The following TTC39A variants were observed in gnomAD, a reference collection of about 807,000 sequenced individuals.
The protein encoded by TTC39A is tetratricopeptide repeat domain 39A.
In TTC39A, 46 loss-of-function variants were observed where a neutral mutation model predicts 82.3. The observed-to-expected ratio is 0.56, with a 90% CI of 0.44 to 0.71. The LOEUF (loss-of-function observed/expected upper bound fraction) is 0.71. TTC39A is among the 30% of genes least tolerant of loss of function. TTC39A has a pLI of 0.00. For missense variants in TTC39A, 543 were observed against 712.9 expected (o/e 0.76, Z 2.71); for synonymous variants, 254 against 275.2 (o/e 0.92, Z 0.76).
At chr1:51,343,486 G>A (rs1215671992) in intron 1 of TTC39A, among the ~76,000 whole-genome samples, 2 of 152,188 alleles carry the variant, frequency 1.3e-5, no homozygotes, top group African/African-American at 4.8e-5. Context: ...AGGGTTTGAT[G>A]TGAGCTATCC....
At chr1:51,312,089 A>G (rs1454441556) in intron 4 of TTC39A, 30 bp downstream of exon 4, 2 of 1,601,870 alleles carry the variant, frequency 1.2e-6, no homozygotes, top group Non-Finnish European at 8.5e-7. Flanking sequence ...TGGGCTTAGC[A>G]TGGTTGAAAG....
chr1:51,319,001 G>A (rs1045832470), intron 2 of TTC39A, among the ~76,000 whole-genome samples: 1 of 152,190 alleles, frequency 6.6e-6, no homozygotes, highest in African/African-American at 2.4e-5. Context: ...CCAGGAACAT[G>A]GAGAAAGCCT....
intron 1 of TTC39A, among the ~76,000 whole-genome samples, chr1:51,326,199 A>C (rs1645708094): frequency 6.6e-6 from 1 of 152,178 alleles, no homozygotes; most frequent in African/African-American, 2.4e-5. Flanking sequence ...TGGGGGCCAA[A>C]GGGGCCCAGA....
chr1:51,313,053 C>T, intron 2 of TTC39A, 110 bp from the exon 3 acceptor site: 1 of 1,454,706 alleles, frequency 6.9e-7, no homozygotes, highest in Non-Finnish European at 9.3e-7. Flanking sequence ...GTGAGGGGAC[C>T]AGAGGTCCAG....
chr1:51,344,919 G>T (rs899918244), intron 1 of TTC39A: 2 of 1,503,850 alleles, frequency 1.3e-6, no homozygotes. Flanking sequence ...TTTCCCCGAC[G>T]TCGGCTGGGT....
At chr1:51,345,061 GGA>G in exon 1 of TTC39A, 1 of 1,387,540 alleles carries the variant, frequency 7.2e-7, no homozygotes, top group South Asian at 1.7e-5. Context: ...GGCCGGGCTC[GGA>G]CGGGGCCGCG....
chr1:51,287,279 AAAATGCTGTCAGTAAGC>A lies in TTC39A; in HGVS notation c.*861_*877del, dbSNP rs1458449765. 1.3e-5 allele frequency: 2 copies of A among 152,256 alleles called. No homozygotes were observed. Among genetic ancestry groups the A allele is most frequent in the African/African-American group, 4.8e-5 (2 of 41,466 alleles). 9.4% of individuals were successfully genotyped at this position (152,256 alleles called of 1,614,324 possible). The stretch of plus-strand genomic sequence containing the variant: ...CAGGTCAAGAATAACAGTTTTAACA[AAAATGCTGTCAGTAAGC>A]AAATGTACCTTGGAGTGAAGTACAG... On this transcript the variant is annotated 3_prime_UTR_variant, in exon 18 of 18. Transcript: ENST00000680483.
chr1:51,292,820 G>A (rs1300562329), intron 14 of TTC39A, among the ~76,000 whole-genome samples: 1 of 152,064 alleles, frequency 6.6e-6, no homozygotes, highest in African/African-American at 2.4e-5. Context: ...ATAAGTTAGA[G>A]AAAAAACATA....
At chr1:51,291,602 G>A (rs1348797904) in intron 14 of TTC39A, among the ~76,000 whole-genome samples, 1 of 134,666 alleles carries the variant, frequency 7.4e-6, no homozygotes, top group African/African-American at 2.8e-5. Context: ...ACCAGCCTGG[G>A]CAACATGGCG....
At chr1:51,306,861 C>A (rs888016624) in intron 6 of TTC39A, among the ~76,000 whole-genome samples, 3 of 109,912 alleles carry the variant, frequency 2.7e-5, no homozygotes, top group South Asian at 4.2e-4. Flanking sequence ...AGACCCCCCC[C>A]CCCCGCCCCC....
chr1:51,312,191 G>T lies in TTC39A; in HGVS notation c.283C>A (p.Arg95=). 2 of 1,605,786 alleles carry T rather than the reference G, an allele frequency of 1.2e-6. No individual in the cohort carries two copies. Among genetic ancestry groups the T allele is most frequent in the Non-Finnish European group, 1.7e-6 (2 of 1,176,258 alleles). The change falls in exon 4 of 18, where the codon CGG becomes AGG. Residue 95 remains arginine, a synonymous_variant. Coordinates refer to ENST00000680483, the MANE Select transcript of TTC39A (RefSeq NM_001297663.2). ...KEAQMLCQRH[R]RKSSVTDSFS... is the part of the protein sequence containing the mutation. The stretch of plus-strand genomic sequence containing the variant: ...GAATCTGTTACAGAAGACTTCCTCC[G>T]GTGCCTGAAGAGGAAAAAGAGGGGC...
Position 51,302,508 on chromosome 1 carries a change from T to C in TTC39A, c.829A>G (p.Lys277Glu). The C allele has an allele frequency of 1.2e-6, 2 of 1,609,722 alleles. No homozygotes were observed. The highest frequency in any genetic ancestry group is 2.2e-5 in the South Asian group (2 of 89,994). Residue 277 changes from lysine (K) to glutamate (E), a missense_variant and splice_region_variant, in exon 10 of 18, where the codon AAG (lysine) becomes GAG (glutamate). Physicochemically the swap from Lys to Glu is moderately conservative, Grantham distance 56 (BLOSUM62 1). Coordinates refer to ENST00000680483, the MANE Select transcript of TTC39A (RefSeq NM_001297663.2). ...ACCGGGCAGCACATGGGGCTCACCT[T>C]AGGGTACCGGTTCAGGTAGGGCTTC... Reference protein sequence around the residue: ...LLKPYLNRYPKGAIFLFFAGR... With the variant: ...LLKPYLNRYPEGAIFLFFAGR...
chr1:51,303,298 T>A, intron 8 of TTC39A, 106 bp from the exon 9 acceptor site: 1 of 966,402 alleles, frequency 1.0e-6, no homozygotes, highest in Non-Finnish European at 1.5e-6. Context: ...GGAAGAGCAC[T>A]GGAACCCTGG....
chr1:51,344,858 C>T (rs1201274416), intron 1 of TTC39A: 2 of 1,158,500 alleles, frequency 1.7e-6, no homozygotes, highest in Non-Finnish European at 1.2e-6. Context: ...CTCCGGCCGA[C>T]CCCCACGCCC....
At chr1:51,334,929 G>GC (rs1645956203), upstream of TTC39A, 1 of 152,322 alleles carries the variant, frequency 6.6e-6, no homozygotes, top group Non-Finnish European at 1.5e-5. Flanking sequence ...AGGAGCTCTG[G>GC]CCCAGCCCCA....
chr1:51,312,046 A>G, intron 4 of TTC39A, 73 bp downstream of exon 4: 1 of 1,497,142 alleles, frequency 6.7e-7, no homozygotes. Flanking sequence ...CAGGGAAGAA[A>G]ACTGCCCCTT....
intron 11 of TTC39A, chr1:51,302,057 G>C: frequency 1.4e-6 from 1 of 712,992 alleles, no homozygotes; most frequent in South Asian, 1.5e-5. Flanking sequence ...CTAAACAGAT[G>C]GGCTTTCCTA....
At chr1:51,308,742 T>C (rs1001339145) in intron 6 of TTC39A, among the ~76,000 whole-genome samples, 7 of 152,260 alleles carry the variant, frequency 4.6e-5, no homozygotes, top group Admixed American at 3.3e-4. Flanking sequence ...AGAGATAGCA[T>C]GGAAATGATT....
chr1:51,321,840 G>A lies in TTC39A; in HGVS notation c.42-15C>T, dbSNP rs1270631201. On this transcript the variant is annotated splice_polypyrimidine_tract_variant and intron_variant, in intron 1 of 17. Transcript: ENST00000680483. This position sits in a 1 kb window ranked among gnomAD's most constrained non-coding sequence, Gnocchi z 4.6. ...TCTCAGGAGTCCTGGGGGAAGAGAT[G>A]CGGGGCATGACACAGGGGCCCTCCA... 4 of 1,607,790 alleles carry A rather than the reference G, an allele frequency of 2.5e-6. No individual in the cohort carries two copies. Among genetic ancestry groups the A allele is most frequent in the African/African-American group, 1.3e-5 (1 of 74,892 alleles).
Sources: allele counts gnomAD v4.1 joint callset (sites outside exome capture counted in the v4.1 genomes callset), GRCh38; gene constraint gnomAD v4.1.1; non-coding constraint Gnocchi (gnomAD v3.1); transcripts MANE v1.5; gene names NCBI Gene and HGNC (gene_info 2026-07-23, HGNC 2026-07-21).